Variants in DLG2 observed in about 807,000 individuals in gnomAD.
DLG2 encodes the protein discs large MAGUK scaffold protein 2, also known as disks large homolog 2.
In DLG2, 45 loss-of-function variants were observed where a neutral mutation model predicts 132.5. The ratio of observed to expected loss-of-function variants is 0.34; its 90% CI spans 0.27 to 0.44. DLG2 has a LOEUF of 0.44. DLG2 is among the 20% of genes least tolerant of loss of function. DLG2 has a pLI of 1.00. For missense variants in DLG2, 1,045 were observed against 1,196.9 expected, an observed-to-expected ratio of 0.87 and a Z score of 1.87; for synonymous variants, 424 against 419.6, an observed-to-expected ratio of 1.01 and a Z score of -0.13.
At chr11:84,330,903 T>C (rs2098455481) in intron 7 of DLG2, among the ~76,000 whole-genome samples, 2 of 152,222 alleles carry the variant, frequency 1.3e-5, no homozygotes, top group Admixed American at 1.3e-4. Context: ...GTGCATTTAG[T>C]GAACCTAGAA....
At chr11:85,013,333 G>A (rs2059309573) in intron 6 of DLG2, among the ~76,000 whole-genome samples, 1 of 152,128 alleles carries the variant, frequency 6.6e-6, no homozygotes, top group African/African-American at 2.4e-5. Flanking sequence ...TGTATCTTTG[G>A]ATCCTCAGAT....
chr11:85,598,845 C>T (rs2079959128), intron 2 of DLG2, 57 bp from the exon 3 acceptor site: 3 of 456,008 alleles, frequency 6.6e-6, no homozygotes, highest in Non-Finnish European at 7.6e-6. Flanking sequence ...AGAAAACTAA[C>T]ATTAAACTAT....
chr11:84,057,856 C>A (rs957833043), intron 11 of DLG2, among the ~76,000 whole-genome samples: 1 of 152,120 alleles, frequency 6.6e-6, no homozygotes, highest in African/African-American at 2.4e-5. Flanking sequence ...TTGCTCAAGG[C>A]CAAACAGCTA....
At chr11:85,359,265 C>A (rs1351837968) in intron 3 of DLG2, among the ~76,000 whole-genome samples, 2 of 152,180 alleles carry the variant, frequency 1.3e-5, no homozygotes, top group Non-Finnish European at 2.9e-5. Context: ...AAGCAATCCG[C>A]TTCATTCAAC....
At chr11:85,447,436 T>G (rs2153038587) in intron 3 of DLG2, among the ~76,000 whole-genome samples, 1 of 152,142 alleles carries the variant, frequency 6.6e-6, no homozygotes, top group African/African-American at 2.4e-5. Flanking sequence ...ACTGGTGACT[T>G]TATAAGAAAA....
At chr11:83,647,879 T>C (rs991118789) in intron 18 of DLG2, 6 of 152,188 alleles carry the variant, frequency 3.9e-5, no homozygotes, top group Non-Finnish European at 7.3e-5. Context: ...TCAGTCTATT[T>C]GAAAAGTTCA....
chr11:84,826,665 T>TTAGAAAGTGCAAACTGCCCTTCAAA (rs1168664638), intron 6 of DLG2, among the ~76,000 whole-genome samples: 1 of 151,698 alleles, frequency 6.6e-6, no homozygotes, highest in Non-Finnish European at 1.5e-5. Flanking sequence ...GACAGTGCTC[T>TTAGAAAGTGCAAACTGCCCTTCAAA]ATTCATTTGT....
At chr11:83,796,828 C>T (rs924798379) in intron 17 of DLG2, among the ~76,000 whole-genome samples, 1 of 152,158 alleles carries the variant, frequency 6.6e-6, no homozygotes, top group African/African-American at 2.4e-5. Flanking sequence ...TGACACATAG[C>T]CATTGTCAAG....
intron 3 of DLG2, among the ~76,000 whole-genome samples, chr11:85,341,366 C>A (rs1408070643): frequency 6.6e-6 from 1 of 152,128 alleles, no homozygotes; most frequent in Non-Finnish European, 1.5e-5. Flanking sequence ...GTGATCTGCC[C>A]GCCTGGGCCT....
At chr11:84,835,933 T>C (rs2079702309) in intron 6 of DLG2, among the ~76,000 whole-genome samples, 1 of 151,746 alleles carries the variant, frequency 6.6e-6, no homozygotes, top group Non-Finnish European at 1.5e-5. Flanking sequence ...TTAAATTTCT[T>C]TAGGCCTGCA....
chr11:85,478,804 A>T (rs2093214524), intron 3 of DLG2, among the ~76,000 whole-genome samples: 1 of 152,200 alleles, frequency 6.6e-6, no homozygotes, highest in South Asian at 2.1e-4. Flanking sequence ...TGTAACAAAT[A>T]ATTGGTGCTT....
chr11:84,948,182 T>C (rs1326695073), intron 6 of DLG2, among the ~76,000 whole-genome samples: 1 of 152,232 alleles, frequency 6.6e-6, no homozygotes, highest in Admixed American at 6.5e-5. Flanking sequence ...TGGCAAATAC[T>C]TCTCCCACGC....
intron 9 of DLG2, among the ~76,000 whole-genome samples, chr11:84,140,070 T>G (rs1429460573): frequency 6.6e-6 from 1 of 152,110 alleles, no homozygotes; most frequent in African/African-American, 2.4e-5. Flanking sequence ...TAGTTTCACC[T>G]GAGTAGGATG....
At chr11:84,042,017 C>A (rs1409180679) in intron 11 of DLG2, among the ~76,000 whole-genome samples, 3 of 151,904 alleles carry the variant, frequency 2.0e-5, no homozygotes, top group Admixed American at 2.0e-4. Flanking sequence ...GAGGCCTCCC[C>A]AGCCACGTGA....
chr11:84,909,470 T>TG (rs1318761433), intron 6 of DLG2, among the ~76,000 whole-genome samples: 2 of 152,154 alleles, frequency 1.3e-5, no homozygotes, highest in Admixed American at 6.5e-5. Context: ...GTCTGTTTAG[T>TG]GGGGGCAGTA....
intron 18 of DLG2, among the ~76,000 whole-genome samples, chr11:83,718,058 G>A (rs2087195061): frequency 6.6e-6 from 1 of 152,136 alleles, no homozygotes; most frequent in African/African-American, 2.4e-5. Flanking sequence ...TTATGCTCAG[G>A]GGGACAAAGA....
chr11:84,512,587 T>C (rs2099260014), intron 7 of DLG2, among the ~76,000 whole-genome samples: 1 of 151,744 alleles, frequency 6.6e-6, no homozygotes, highest in Non-Finnish European at 1.5e-5. Context: ...AATCAAACTA[T>C]AAAACATAAA....
intron 3 of DLG2, among the ~76,000 whole-genome samples, chr11:85,576,951 C>G (rs2078194158): frequency 6.6e-6 from 1 of 152,050 alleles, no homozygotes. Flanking sequence ...GAGGAGACAG[C>G]ATGTACAAAT....
intron 6 of DLG2, among the ~76,000 whole-genome samples, chr11:84,811,055 T>C (rs1055287482): frequency 2.0e-5 from 3 of 152,112 alleles, no homozygotes; most frequent in Non-Finnish European, 2.9e-5. Flanking sequence ...ACATTACCAT[T>C]GGGGGAAACA....
Sources: gnomAD v4.1 joint callset for allele counts (sites outside exome capture counted in the v4.1 genomes callset) on GRCh38, gnomAD v4.1.1 for gene constraint, MANE v1.5 for transcripts, NCBI Gene and HGNC (gene_info 2026-07-23, HGNC 2026-07-21) for gene names.